The following PDS5B variants were observed in gnomAD, a reference collection of about 807,000 sequenced individuals.
The protein encoded by PDS5B is PDS5 cohesin associated factor B.
A neutral mutation model predicts 184.1 loss-of-function variants in PDS5B; 51 were observed. The observed-to-expected ratio is 0.28, with a 90% CI of 0.22 to 0.35. The LOEUF (loss-of-function observed/expected upper bound fraction) is 0.35. Ranked by LOEUF, PDS5B falls within the 10% of genes least tolerant of loss-of-function variation. PDS5B has a pLI of 1.00. For missense variants in PDS5B, 1,180 were observed against 1,723.3 expected (o/e 0.68, Z 5.58); for synonymous variants, 566 against 569.2 (o/e 0.99, Z 0.08).
rs201290354 is a variant in PDS5B, at chr13:32,732,478, CTA to C, written c.2247+256_2247+257del. 9.5e-3 allele frequency among the ~76,000 whole-genome samples: 1,442 copies of C among 152,108 alleles called. 28 individuals are homozygous for C. Among genetic ancestry groups the C allele is most frequent in the African/African-American group, 0.032 (1,348 of 41,516 alleles). On this transcript the variant is annotated intron_variant, in intron 20 of 34. Coordinates refer to ENST00000315596, the MANE Select transcript of PDS5B (RefSeq NM_015032.4). The stretch of plus-strand genomic sequence containing the variant: ...TGGTTTATATATTTGTATTTGGAGA[CTA>C]TTTTTTGTTAACAGGTAATTACATA...
chr13:32,619,094 C>T (rs1319477878), intron 1 of PDS5B, among the ~76,000 whole-genome samples: 1 of 152,162 alleles, frequency 6.6e-6, no homozygotes, highest in African/African-American at 2.4e-5. Flanking sequence ...ATACCCCTAC[C>T]CTGTATTTCA....
At position 32,774,144 on chromosome 13, in the gene PDS5B, T is replaced by G. The variant is rs201275271; in HGVS notation, c.4308+820T>G. On this transcript the variant is annotated intron_variant, in intron 34 of 34. Coordinates refer to ENST00000315596, the MANE Select transcript of PDS5B (RefSeq NM_015032.4). ...GTAATAAATAAATAACTTTACCAGT[T>G]AATACAACTCAGATATTTCTCTTAG... 2.2e-4 allele frequency among the ~76,000 whole-genome samples: 33 copies of G among 152,314 alleles called. No individual in the cohort carries two copies. The East Asian group carries it at 5.8e-3, about 27-fold the overall frequency.
At chr13:32,657,636 T>G (rs1263376447) in intron 3 of PDS5B, among the ~76,000 whole-genome samples, 1 of 152,196 alleles carries the variant, frequency 6.6e-6, no homozygotes, top group Non-Finnish European at 1.5e-5. Flanking sequence ...CAGACTTGAT[T>G]GTGTGGTTGC....
At chr13:32,637,076 T>C (rs746550013) in intron 1 of PDS5B, among the ~76,000 whole-genome samples, 45 of 152,186 alleles carry the variant, frequency 3.0e-4, no homozygotes, top group Non-Finnish European at 5.6e-4. Context: ...TTGGAACTTA[T>C]TCGAAGGGCA....
Position 32,775,010 on chromosome 13 carries a change from T to G in PDS5B, c.4309-7T>G. ...TTAATTAAGCATCTGGTGACTTTCC[T>G]TTTAAGGTACGGCGGCGAAGTGCTA... On this transcript the variant is annotated splice_polypyrimidine_tract_variant and splice_region_variant and intron_variant, in intron 34 of 34. Coordinates refer to ENST00000315596, the MANE Select transcript of PDS5B (RefSeq NM_015032.4). The G allele has an allele frequency of 6.2e-7, 1 of 1,612,848 alleles. No homozygotes were observed. Among genetic ancestry groups the G allele is most frequent in the South Asian group, 1.1e-5 (1 of 91,018 alleles).
intron 3 of PDS5B, among the ~76,000 whole-genome samples, chr13:32,655,045 A>T (rs1380203721): frequency 6.6e-6 from 1 of 152,080 alleles, no homozygotes. Flanking sequence ...TATATACCCA[A>T]TAATGGGATT....
At chr13:32,711,134 A>G (rs960419603) in intron 19 of PDS5B, among the ~76,000 whole-genome samples, 7 of 151,656 alleles carry the variant, frequency 4.6e-5, no homozygotes, top group Non-Finnish European at 7.4e-5. Context: ...CTGGGATTAC[A>G]GGCACACGCC....
chr13:32,660,583 A>G (rs535460851), intron 6 of PDS5B, among the ~76,000 whole-genome samples: 114 of 152,162 alleles, frequency 7.5e-4, no homozygotes, highest in Non-Finnish European at 1.4e-3. Flanking sequence ...GCCAAGACAA[A>G]CCCTCCTAGA....
chr13:32,696,970 T>C lies in PDS5B; in HGVS notation c.1600+68T>C, dbSNP rs561939814. On this transcript the variant is annotated intron_variant, in intron 15 of 34. Transcript: ENST00000315596. ...GAACATTTTTTATAATTTTAAGTGTTTCATGCAGTTTTGTTATAGGCTATG... is the reference window on the plus strand; with the variant it reads ...GAACATTTTTTATAATTTTAAGTGTCTCATGCAGTTTTGTTATAGGCTATG... 76 of 982,128 alleles carry C rather than the reference T, an allele frequency of 7.7e-5. No homozygotes were observed. In the African/African-American group the frequency reaches 1.2e-3, roughly 15 times the overall value. 60.8% of individuals were successfully genotyped at this position (982,128 alleles called of 1,614,324 possible).
intron 8 of PDS5B, among the ~76,000 whole-genome samples, chr13:32,675,282 C>T (rs1951035741): frequency 1.3e-5 from 2 of 152,084 alleles, no homozygotes; most frequent in Non-Finnish European, 2.9e-5. Context: ...CCTTAGGGTG[C>T]CCCCAATATA....
intron 33 of PDS5B, among the ~76,000 whole-genome samples, chr13:32,772,583 G>T (rs1954826493): frequency 6.6e-6 from 1 of 152,154 alleles, no homozygotes; most frequent in Non-Finnish European, 1.5e-5. Context: ...GTAGTTGTGG[G>T]GAGTTGGGGA....
At chr13:32,630,854 G>A (rs545504337) in intron 1 of PDS5B, among the ~76,000 whole-genome samples, 9 of 150,080 alleles carry the variant, frequency 6.0e-5, no homozygotes, top group East Asian at 3.9e-4. Context: ...GCGCCATCTC[G>A]GCTTACTGTA....
At chr13:32,774,894 C>G (rs1413695312) in intron 34 of PDS5B, 123 bp from the exon 35 acceptor site, 2 of 946,298 alleles carry the variant, frequency 2.1e-6, no homozygotes, top group Admixed American at 4.1e-5. Context: ...TAAAAAGTTT[C>G]AGGGAAAGGA....
At chr13:32,654,536 TA>T (rs1210577551) in intron 3 of PDS5B, among the ~76,000 whole-genome samples, 2 of 152,022 alleles carry the variant, frequency 1.3e-5, no homozygotes, top group Non-Finnish European at 2.9e-5. Flanking sequence ...CCTTTTTTTT[TA>T]AAAAATTGTG....
At chr13:32,612,535 C>T (rs2058159730) in intron 1 of PDS5B, among the ~76,000 whole-genome samples, 1 of 152,162 alleles carries the variant, frequency 6.6e-6, no homozygotes, top group African/African-American at 2.4e-5. Context: ...AAACCCTGCA[C>T]CTCTTAGCCA....
intron 31 of PDS5B, among the ~76,000 whole-genome samples, chr13:32,768,484 A>C (rs995426309): frequency 2.6e-5 from 4 of 152,090 alleles, no homozygotes; most frequent in African/African-American, 9.7e-5. Context: ...GCCACAATTC[A>C]GTCCAAAGCA....
At chr13:32,642,858 T>C (rs1950133952) in intron 1 of PDS5B, among the ~76,000 whole-genome samples, 1 of 152,166 alleles carries the variant, frequency 6.6e-6, no homozygotes. Flanking sequence ...TTTTCCAAGC[T>C]TGTTGTTTAT....
At chr13:32,594,615 A>G (rs764822243) in intron 1 of PDS5B, among the ~76,000 whole-genome samples, 6 of 152,218 alleles carry the variant, frequency 3.9e-5, no homozygotes, top group Admixed American at 6.5e-5. Context: ...ATTTTGACCA[A>G]GTCTTAGATG....
At chr13:32,664,862 A>C (rs1337859396) in intron 6 of PDS5B, among the ~76,000 whole-genome samples, 6 of 152,162 alleles carry the variant, frequency 3.9e-5, no homozygotes, top group African/African-American at 1.4e-4. Flanking sequence ...AAAAGGGAAA[A>C]AGAAAAAAAA....
Sources: gnomAD v4.1 joint callset for allele counts (sites outside exome capture counted in the v4.1 genomes callset) on GRCh38, gnomAD v4.1.1 for gene constraint, MANE v1.5 for transcripts, NCBI Gene and HGNC (gene_info 2026-07-23, HGNC 2026-07-21) for gene names.